The following NCAM2 variants were observed in gnomAD, a reference collection of about 807,000 sequenced individuals.
The protein encoded by NCAM2 is neural cell adhesion molecule 2.
Under a neutral mutation model 98.1 loss-of-function variants are expected in NCAM2, and 30 were observed. That is an observed-to-expected ratio of 0.31 (90% CI 0.23 to 0.41). The LOEUF (loss-of-function observed/expected upper bound fraction) is 0.41. NCAM2 is among the 10% of genes least tolerant of loss of function. NCAM2 has a pLI of 1.00. For synonymous variants in NCAM2, 368 were observed against 342.4 expected, an observed-to-expected ratio of 1.07 and a Z score of -0.83; for missense variants, 867 against 1,005.8, an observed-to-expected ratio of 0.86 and a Z score of 1.87.
intron 15 of NCAM2, among the ~76,000 whole-genome samples, chr21:21,492,346 C>A (rs568555818): frequency 2.0e-4 from 31 of 151,842 alleles, no homozygotes; most frequent in Non-Finnish European, 4.3e-4. Flanking sequence ...AGAACAACAA[C>A]AAAAAATCCC....
At chr21:21,127,294 T>G (rs1420814741) in intron 1 of NCAM2, among the ~76,000 whole-genome samples, 1 of 151,966 alleles carries the variant, frequency 6.6e-6, no homozygotes, top group East Asian at 1.9e-4. Flanking sequence ...ATGGAACATT[T>G]GCAAGTATAG....
intron 1 of NCAM2, among the ~76,000 whole-genome samples, chr21:21,185,519 G>A (rs1231934262): frequency 6.6e-6 from 1 of 151,960 alleles, no homozygotes; most frequent in Non-Finnish European, 1.5e-5. Context: ...TAGCTTTTAT[G>A]GAAAAATAAT....
At chr21:21,152,984 G>C (rs1052002117) in intron 1 of NCAM2, among the ~76,000 whole-genome samples, 2 of 151,892 alleles carry the variant, frequency 1.3e-5, no homozygotes, top group Admixed American at 6.6e-5. Context: ...ATTGTGTCTG[G>C]TAAGTGTCTC....
At chr21:21,262,206 C>T (rs1239815448) in intron 1 of NCAM2, among the ~76,000 whole-genome samples, 2 of 152,068 alleles carry the variant, frequency 1.3e-5, no homozygotes, top group African/African-American at 4.8e-5. Flanking sequence ...AAACTTGAAT[C>T]AGTAATAAAT....
At chr21:21,057,644 G>A (rs1474557318) in intron 1 of NCAM2, among the ~76,000 whole-genome samples, 1 of 152,008 alleles carries the variant, frequency 6.6e-6, no homozygotes, top group East Asian at 1.9e-4. Flanking sequence ...GACTGCTTTT[G>A]GGCCCTTCTC....
chr21:21,243,241 G>A (rs2071138769), intron 1 of NCAM2, among the ~76,000 whole-genome samples: 1 of 152,102 alleles, frequency 6.6e-6, no homozygotes, highest in African/African-American at 2.4e-5. Flanking sequence ...TTAATAAAGA[G>A]CAAAAGTCTT....
chr21:21,312,730 A>C (rs1456273393), intron 5 of NCAM2, among the ~76,000 whole-genome samples: 1 of 151,856 alleles, frequency 6.6e-6, no homozygotes, highest in Non-Finnish European at 1.5e-5. Flanking sequence ...TGCTGTGTTC[A>C]TAAAAATGGG....
At chr21:21,343,394 C>CACACAT (rs1021014994) in intron 8 of NCAM2, among the ~76,000 whole-genome samples, 56 of 151,338 alleles carry the variant, frequency 3.7e-4, no homozygotes, top group African/African-American at 1.2e-3. Flanking sequence ...CACACACACA[C>CACACAT]AATCTTCATG....
chr21:21,105,761 G>A (rs1005110234), intron 1 of NCAM2, among the ~76,000 whole-genome samples: 2 of 152,042 alleles, frequency 1.3e-5, no homozygotes, highest in Non-Finnish European at 2.9e-5. Flanking sequence ...AGTCTCTAAA[G>A]CCAATCTGCA....
At chr21:21,236,220 T>C (rs565397027) in intron 1 of NCAM2, among the ~76,000 whole-genome samples, 2 of 152,228 alleles carry the variant, frequency 1.3e-5, no homozygotes, top group Admixed American at 1.3e-4. Context: ...GTTATCTCTG[T>C]CTTTTGACAT....
intron 14 of NCAM2, among the ~76,000 whole-genome samples, chr21:21,475,013 C>T (rs1984979191): frequency 6.9e-6 from 1 of 145,920 alleles, no homozygotes; most frequent in South Asian, 2.1e-4. Context: ...CATTATAATA[C>T]ATATATATAA....
At chr21:21,182,591 GT>G (rs1276304316) in intron 1 of NCAM2, among the ~76,000 whole-genome samples, 1 of 152,052 alleles carries the variant, frequency 6.6e-6, no homozygotes, top group African/African-American at 2.4e-5. Context: ...TCATGTGTCT[GT>G]TTTATCATTT....
chr21:21,048,232 T>G (rs979788936), intron 1 of NCAM2, among the ~76,000 whole-genome samples: 1 of 152,170 alleles, frequency 6.6e-6, no homozygotes, highest in African/African-American at 2.4e-5. Context: ...AACCTAAACA[T>G]TTCATTTCTA....
intron 1 of NCAM2, among the ~76,000 whole-genome samples, chr21:21,206,489 A>G (rs1461694800): frequency 1.3e-5 from 2 of 152,152 alleles, no homozygotes; most frequent in Non-Finnish European, 2.9e-5. Flanking sequence ...AAGACTCCTT[A>G]GCATGTTGAA....
At chr21:21,434,251 A>T (rs948449013) in intron 12 of NCAM2, among the ~76,000 whole-genome samples, 2 of 152,248 alleles carry the variant, frequency 1.3e-5, no homozygotes, top group Non-Finnish European at 2.9e-5. Flanking sequence ...CTGTTGGTAT[A>T]TTATGAAGAT....
intron 1 of NCAM2, among the ~76,000 whole-genome samples, chr21:21,077,564 AC>A (rs2065705782): frequency 6.6e-6 from 1 of 152,188 alleles, no homozygotes; most frequent in Admixed American, 6.5e-5. Flanking sequence ...AAAAACCAGG[AC>A]CTTTGCTTTC....
chr21:21,452,132 G>C (rs1479115194), intron 12 of NCAM2, among the ~76,000 whole-genome samples: 1 of 148,000 alleles, frequency 6.8e-6, no homozygotes, highest in Non-Finnish European at 1.5e-5. Context: ...TTTTCAGGAG[G>C]TTTTTTATCT....
chr21:21,450,018 A>T (rs1980785239), intron 12 of NCAM2, among the ~76,000 whole-genome samples: 1 of 151,914 alleles, frequency 6.6e-6, no homozygotes, highest in African/African-American at 2.4e-5. Flanking sequence ...TGATTTTTTA[A>T]ACTAATGCAC....
intron 1 of NCAM2, among the ~76,000 whole-genome samples, chr21:21,175,932 C>G (rs1332847095): frequency 6.6e-6 from 1 of 152,150 alleles, no homozygotes; most frequent in African/African-American, 2.4e-5. Flanking sequence ...CCTTCCTTGT[C>G]CCCAGAAGAC....
Sources: gnomAD v4.1 joint callset for allele counts (sites outside exome capture counted in the v4.1 genomes callset) on GRCh38, gnomAD v4.1.1 for gene constraint, MANE v1.5 for transcripts, NCBI Gene and HGNC (gene_info 2026-07-23, HGNC 2026-07-21) for gene names.